Variants in WDPCP observed in about 807,000 individuals in gnomAD.
WDPCP encodes the protein WD repeat-containing and planar cell polarity effector protein fritz homolog.
WDPCP carries 71 observed loss-of-function variants against 93.1 expected under a neutral mutation model. The observed-to-expected ratio is 0.76, with a 90% confidence interval of 0.63 to 0.93. The LOEUF is 0.93. WDPCP is among the 40% of genes least tolerant of loss of function. The probability of loss-of-function intolerance (pLI) is 0.00; values close to 1 mark genes in which losing one functional copy is unlikely to be tolerated. For missense variants in WDPCP, 844 were observed against 887.4 expected, an observed-to-expected ratio of 0.95 and a Z score of 0.62; for synonymous variants, 315 against 315.0, an observed-to-expected ratio of 1.00 and a Z score of 0.00.
intron 13 of WDPCP, among the ~76,000 whole-genome samples, chr2:63,302,035 A>G (rs910396981): frequency 1.3e-5 from 2 of 152,196 alleles, no homozygotes; most frequent in African/African-American, 4.8e-5. Context: ...AAAATTAGAG[A>G]AGCAACTTCG....
intron 1 of WDPCP, among the ~76,000 whole-genome samples, chr2:63,559,226 T>G (rs1300575720): frequency 1.3e-5 from 2 of 152,114 alleles, no homozygotes; most frequent in African/African-American, 4.8e-5. Flanking sequence ...AAATTCAACA[T>G]CCCTTCATGT....
At chr2:63,717,740 G>T in intron 2 of WDPCP, 1 of 415,652 alleles carries the variant, frequency 2.4e-6, no homozygotes, top group South Asian at 2.0e-5. Flanking sequence ...TGTTGCTCCA[G>T]TACTGCGGTA....
intron 2 of WDPCP, among the ~76,000 whole-genome samples, chr2:63,720,235 G>A (rs1317176381): frequency 6.6e-6 from 1 of 151,840 alleles, no homozygotes; most frequent in Non-Finnish European, 1.5e-5. Flanking sequence ...TGGGTACATG[G>A]CGAAACCCCA....
chr2:63,407,884 G>A (rs911693700), intron 9 of WDPCP, among the ~76,000 whole-genome samples: 2 of 152,148 alleles, frequency 1.3e-5, no homozygotes, highest in South Asian at 2.1e-4. Flanking sequence ...GAGAGGCCAG[G>A]TCATGTCGAG....
intron 10 of WDPCP, 56 bp from the exon 11 acceptor site, chr2:63,382,150 A>G: frequency 1.3e-6 from 2 of 1,533,172 alleles, no homozygotes; most frequent in Non-Finnish European, 1.8e-6. Flanking sequence ...AGAATAACAA[A>G]AAGAGTTAAT....
At chr2:63,835,257 G>A in the WDPCP span, among the ~76,000 whole-genome samples, 1,847 of 151,846 alleles carry the variant, frequency 0.012, 17 homozygotes, top group Non-Finnish European at 0.015. Context: ...AGGTGAGGTG[G>A]CAGGCCCCTG....
chr2:63,809,969 AT>A (rs1380831095), intron 2 of WDPCP, among the ~76,000 whole-genome samples: 1 of 152,116 alleles, frequency 6.6e-6, no homozygotes, highest in Non-Finnish European at 1.5e-5. Context: ...CATGATAAAT[AT>A]TTTTTCCTTA....
intron 1 of WDPCP, among the ~76,000 whole-genome samples, chr2:63,537,092 AT>A (rs1467548086): frequency 6.6e-6 from 1 of 152,008 alleles, no homozygotes; most frequent in Admixed American, 6.6e-5. Context: ...CTGAATTCAC[AT>A]TTTTTGCTTT....
chr2:63,635,141 C>A (rs1366004521), intron 3 of WDPCP, among the ~76,000 whole-genome samples: 2 of 151,872 alleles, frequency 1.3e-5, no homozygotes, highest in African/African-American at 2.4e-5. Flanking sequence ...GTATAAATTC[C>A]TAGAAACATA....
chr2:63,588,400 C>G lies in WDPCP; in HGVS notation c.-129G>C. On this transcript the variant is annotated 5_prime_UTR_variant, in exon 1 of 18. Transcript: ENST00000272321. ...GCCGCCACAGTTTCCTCAGGTGCTACAAAGCAGCCAGGGTGTGCGTGCGCT... is the reference window on the plus strand; with the variant it reads ...GCCGCCACAGTTTCCTCAGGTGCTAGAAAGCAGCCAGGGTGTGCGTGCGCT... 9.0e-7 allele frequency: 1 copy of G among 1,106,082 alleles called. No individual in the cohort carries two copies. The highest frequency in any genetic ancestry group is 1.3e-6 in the Non-Finnish European group (1 of 741,378). The allele number at this position is 1,106,082 out of a possible 1,614,324, so 68.5% of individuals were successfully genotyped here.
rs540435245 is a variant in WDPCP at position 63,484,383 on chromosome 2, G to C, written c.384+221C>G. Reference sequence around the variant, plus strand: ...TATGAAAAGATTTTTATTAGTGTTTGTATGTCAGTACAACTATACTGGTTA... The same window carrying C: ...TATGAAAAGATTTTTATTAGTGTTTCTATGTCAGTACAACTATACTGGTTA... On this transcript the variant is annotated intron_variant, in intron 6 of 17. Coordinates refer to ENST00000272321, the MANE Select transcript of WDPCP (RefSeq NM_015910.7). Among the ~76,000 whole-genome samples, 8 of 152,110 alleles carry C rather than the reference G, an allele frequency of 5.3e-5. No homozygotes were observed. The South Asian group carries it at 1.7e-3, about 31-fold the overall frequency.
intron 2 of WDPCP, among the ~76,000 whole-genome samples, chr2:63,791,497 C>A (rs1256679547): frequency 6.6e-6 from 1 of 152,134 alleles, no homozygotes; most frequent in Non-Finnish European, 1.5e-5. Flanking sequence ...CTCCACCTAG[C>A]ATTCTTCTTG....
At chr2:63,710,470 C>T (rs867010681) in intron 2 of WDPCP, among the ~76,000 whole-genome samples, 4 of 152,176 alleles carry the variant, frequency 2.6e-5, no homozygotes, top group Admixed American at 6.5e-5. Flanking sequence ...AAACCCTGCT[C>T]GGGCCTTGTA....
At chr2:63,350,970 C>CATTT (rs1430090878) in intron 12 of WDPCP, among the ~76,000 whole-genome samples, 5 of 111,066 alleles carry the variant, frequency 4.5e-5, no homozygotes, top group South Asian at 3.4e-4. Flanking sequence ...TAAATATCAA[C>CATTT]ATTTATTTAT....
At chr2:63,147,855 G>T (rs1671627771) in intron 17 of WDPCP, among the ~76,000 whole-genome samples, 1 of 151,670 alleles carries the variant, frequency 6.6e-6, no homozygotes, top group Admixed American at 6.6e-5. Context: ...TGTTATCTCA[G>T]CTACTTGGGA....
At chr2:63,664,450 G>T (rs191154794) in intron 2 of WDPCP, among the ~76,000 whole-genome samples, 2 of 152,180 alleles carry the variant, frequency 1.3e-5, no homozygotes, top group Non-Finnish European at 2.9e-5. Context: ...ACTGCCCCTG[G>T]ATACTGGAGG....
intron 2 of WDPCP, among the ~76,000 whole-genome samples, chr2:63,490,302 T>C (rs1700804254): frequency 6.6e-6 from 1 of 152,150 alleles, no homozygotes; most frequent in Non-Finnish European, 1.5e-5. Context: ...TATACAGTAA[T>C]GCAGGACAAA....
intron 6 of WDPCP, among the ~76,000 whole-genome samples, chr2:63,457,711 T>A (rs1698721749): frequency 6.6e-6 from 1 of 152,078 alleles, no homozygotes; most frequent in South Asian, 2.1e-4. Context: ...AATTATATGA[T>A]CATCTCAAAA....
chr2:63,657,087 G>A (rs938089217), intron 2 of WDPCP, among the ~76,000 whole-genome samples: 4 of 152,134 alleles, frequency 2.6e-5, no homozygotes, highest in Non-Finnish European at 2.9e-5. Context: ...GCTGGGGAGG[G>A]TGGTAAGGGC....
Sources: allele counts gnomAD v4.1 joint callset (sites outside exome capture counted in the v4.1 genomes callset), GRCh38; gene constraint gnomAD v4.1.1; transcripts MANE v1.5; gene names NCBI Gene and HGNC (gene_info 2026-07-23, HGNC 2026-07-21).